Variants in G2E3 observed in about 807,000 individuals in gnomAD.
G2E3 encodes G2/M-phase specific E3 ubiquitin protein ligase.
In G2E3, 35 loss-of-function variants were observed where a neutral mutation model predicts 92.8. The ratio of observed to expected loss-of-function variants is 0.38; its 90% CI spans 0.29 to 0.50. The LOEUF is 0.50. Among genes scored for constraint, G2E3 ranks in the 20% least tolerant of loss-of-function variants. The probability of loss-of-function intolerance (pLI) is 0.94; values close to 1 mark genes in which losing one functional copy is unlikely to be tolerated. For synonymous variants in G2E3, 242 were observed against 272.4 expected (o/e 0.89, Z 1.10); for missense variants, 554 against 823.8 (o/e 0.67, Z 4.01).
chr14:30,587,405 C>T lies in G2E3; in HGVS notation c.135+590C>T, dbSNP rs544321206. On this transcript the variant is annotated intron_variant, in intron 3 of 14. Coordinates refer to ENST00000206595, the MANE Select transcript of G2E3 (RefSeq NM_017769.5). Reference sequence around the variant, plus strand: ...GCCTTAAGATATTAGTGGCACATTACCACCTTAGCATGCCAGGCTTGCATT... The same window carrying T: ...GCCTTAAGATATTAGTGGCACATTATCACCTTAGCATGCCAGGCTTGCATT... Among the ~76,000 whole-genome samples, 41 of 152,274 alleles carry T rather than the reference C, an allele frequency of 2.7e-4. 1 individual carries two copies. Among genetic ancestry groups the T allele is most frequent in the African/African-American group, 9.4e-4 (39 of 41,554 alleles).
chr14:30,615,176 C>T (rs751316268), intron 13 of G2E3, among the ~76,000 whole-genome samples, 173 bp from the exon 14 acceptor site: 16 of 152,152 alleles, frequency 1.1e-4, no homozygotes, highest in Non-Finnish European at 1.8e-4. Context: ...TCCATATCTT[C>T]TCTTTTTCCT....
chr14:30,604,643 A>G (rs1881739380), intron 10 of G2E3, among the ~76,000 whole-genome samples: 1 of 152,212 alleles, frequency 6.6e-6, no homozygotes, highest in South Asian at 2.1e-4. Flanking sequence ...GATCTAGACT[A>G]AAAGGTACTA....
chr14:30,588,730 A>G (rs986475546), intron 3 of G2E3, among the ~76,000 whole-genome samples: 2 of 152,194 alleles, frequency 1.3e-5, no homozygotes, highest in African/African-American at 4.8e-5. Flanking sequence ...CAGAAGTTTC[A>G]GCAGAGCCTG....
chr14:30,579,044 G>GAC (rs1880281497), intron 1 of G2E3, among the ~76,000 whole-genome samples: 1 of 152,144 alleles, frequency 6.6e-6, no homozygotes, highest in African/African-American at 2.4e-5. Context: ...TATAGATTGT[G>GAC]ATCCTCAATC....
intron 4 of G2E3, chr14:30,591,102 C>T (rs551912539): frequency 2.8e-4 from 48 of 170,250 alleles, no homozygotes; most frequent in Non-Finnish European, 5.5e-4. Context: ...TTTCTTAAAA[C>T]ATCCGAATCC....
intron 1 of G2E3, among the ~76,000 whole-genome samples, chr14:30,561,185 C>A (rs1275954275): frequency 1.3e-5 from 2 of 152,218 alleles, no homozygotes; most frequent in Admixed American, 1.3e-4. Context: ...TACATTCTCT[C>A]ATTAATCTTT....
At chr14:30,564,068 A>C (rs1227017639) in intron 1 of G2E3, among the ~76,000 whole-genome samples, 1 of 152,130 alleles carries the variant, frequency 6.6e-6, no homozygotes, top group Non-Finnish European at 1.5e-5. Context: ...AAAATTGTTA[A>C]CTTTTAAACA....
In G2E3 at chr14:30,615,527, C is replaced by A. The variant is rs1438140937; in HGVS notation, c.1852C>A (p.Gln618Lys). The change falls in exon 14 of 15, where the codon CAG becomes AAG. Residue 618 changes from glutamine (Q) to lysine (K), a missense_variant. Gln to Lys is a moderately conservative substitution (Grantham distance 53). Coordinates refer to ENST00000206595, the MANE Select transcript of G2E3 (RefSeq NM_017769.5). ...TTTGGGGTTTTGGAACAGTTACTTACAGGCTGTTGAAGGTATGTGGATATT... is the reference window on the plus strand; with the variant it reads ...TTTGGGGTTTTGGAACAGTTACTTAAAGGCTGTTGAAGGTATGTGGATATT... ...KALGFWNSYL[Q>K]AVEDGKSTTT... The A allele has an allele frequency of 1.9e-6, 3 of 1,583,782 alleles. No individual in the cohort carries two copies. Among genetic ancestry groups the A allele is most frequent in the East Asian group, 4.5e-5 (2 of 44,130 alleles).
At chr14:30,587,976 T>C (rs1880805323) in intron 3 of G2E3, among the ~76,000 whole-genome samples, 1 of 152,172 alleles carries the variant, frequency 6.6e-6, no homozygotes, top group Admixed American at 6.5e-5. Flanking sequence ...CCACCATCCA[T>C]GTTAAAATTA....
chr14:30,614,694 G>A (rs898356493), intron 13 of G2E3, among the ~76,000 whole-genome samples: 1 of 152,202 alleles, frequency 6.6e-6, no homozygotes, highest in African/African-American at 2.4e-5. Flanking sequence ...ATCTGAGGAG[G>A]TGAATAGGAA....
intron 4 of G2E3, chr14:30,590,777 T>C (rs1458348408): frequency 2.2e-6 from 1 of 455,344 alleles, no homozygotes; most frequent in East Asian, 7.0e-5. Context: ...GATATTAGTA[T>C]CATAATTCCT....
intron 1 of G2E3, among the ~76,000 whole-genome samples, chr14:30,572,775 C>T (rs1368419727): frequency 1.3e-5 from 2 of 151,610 alleles, no homozygotes; most frequent in Non-Finnish European, 2.9e-5. Context: ...TTGCCAGGTA[C>T]TCTTGTGGCG....
At chr14:30,615,975 T>C (rs985373510) in intron 14 of G2E3, among the ~76,000 whole-genome samples, 2 of 152,190 alleles carry the variant, frequency 1.3e-5, no homozygotes, top group African/African-American at 4.8e-5. Flanking sequence ...ATTTAACTTA[T>C]AGTTGAAATT....
chr14:30,593,502 C>G lies in G2E3; in HGVS notation c.391C>G (p.Gln131Glu). ...ASFCWDHRPVQIITSNNYRES... is the reference protein window; with the variant it reads ...ASFCWDHRPVEIITSNNYRES... ...ATTTTGTTGGGACCATCGACCTGTT[C>G]AAATAATTACATCTAATAATTATAG... The change falls in exon 6 of 15, where the codon CAA (glutamine) becomes GAA (glutamate). Residue 131 changes from glutamine (Q) to glutamate (E), a missense_variant. By Grantham distance (29) the Gln-to-Glu change is conservative. Around this residue, in one of 3 missense-constraint regions of G2E3, gnomAD observed 137 missense variants for 201.3 expected, o/e 0.68. Transcript: ENST00000206595. 2 of 1,553,664 alleles carry G rather than the reference C, an allele frequency of 1.3e-6. No individual in the cohort carries two copies. Among genetic ancestry groups the G allele is most frequent in the Non-Finnish European group, 1.8e-6 (2 of 1,131,174 alleles).
chr14:30,602,322 A>G (rs1881608944), intron 10 of G2E3, among the ~76,000 whole-genome samples, 191 bp downstream of exon 10: 1 of 152,166 alleles, frequency 6.6e-6, no homozygotes, highest in Non-Finnish European at 1.5e-5. Context: ...ATGGGATAGA[A>G]TAGAATACAA....
At chr14:30,608,113 G>T (rs747638927) in intron 12 of G2E3, 44 bp downstream of exon 12, 2 of 1,122,146 alleles carry the variant, frequency 1.8e-6, no homozygotes, top group Admixed American at 2.6e-5. Flanking sequence ...TACATTCTAG[G>T]TATCTTTTAA....
At chr14:30,604,334 C>T (rs1881720043) in intron 10 of G2E3, among the ~76,000 whole-genome samples, 1 of 152,224 alleles carries the variant, frequency 6.6e-6, no homozygotes, top group Admixed American at 6.5e-5. Context: ...GGCACTGTAA[C>T]GTCTTGGGGT....
chr14:30,586,642 G>A (rs1398972353), intron 2 of G2E3, 76 bp from the exon 3 acceptor site: 2 of 525,214 alleles, frequency 3.8e-6, no homozygotes, highest in Non-Finnish European at 6.7e-6. Context: ...CAGAAATTTA[G>A]AGAAGCACCA....
chr14:30,577,782 GA>G (rs1461025714), intron 1 of G2E3: 1 of 152,220 alleles, frequency 6.6e-6, no homozygotes, highest in Non-Finnish European at 1.5e-5. Context: ...CAATCAAGGA[GA>G]GGGGCAGGCT....
Sources: allele counts gnomAD v4.1 joint callset (sites outside exome capture counted in the v4.1 genomes callset), GRCh38; gene constraint gnomAD v4.1.1; regional missense constraint gnomAD v4.1.1; transcripts MANE v1.5; gene names NCBI Gene and HGNC (gene_info 2026-07-23, HGNC 2026-07-21).